The following MYCBP2 variants were observed in gnomAD, a reference collection of about 807,000 sequenced individuals.
MYCBP2 encodes the protein MYC binding protein 2.
Under a neutral mutation model 525.3 loss-of-function variants are expected in MYCBP2, and 120 were observed. That is an observed-to-expected ratio of 0.23 (90% confidence interval 0.20 to 0.27). The LOEUF is 0.27. Among genes scored for constraint, MYCBP2 ranks in the 10% least tolerant of loss-of-function variants. The pLI is 1.00. For missense variants in MYCBP2, 4,149 were observed against 5,657.1 expected (o/e 0.73, Z 8.55); for synonymous variants, 1,894 against 1,955.8 (o/e 0.97, Z 0.83).
intron 54 of MYCBP2, among the ~76,000 whole-genome samples, chr13:77,123,405 T>G (rs1211451100): frequency 6.6e-6 from 1 of 152,216 alleles, no homozygotes; most frequent in East Asian, 1.9e-4. Context: ...CATTTTATCT[T>G]GAAAGAAGCT....
At chr13:77,299,593 C>G (rs1478188029) in intron 1 of MYCBP2, among the ~76,000 whole-genome samples, 1 of 152,112 alleles carries the variant, frequency 6.6e-6, no homozygotes, top group Non-Finnish European at 1.5e-5. Context: ...ACCATTATAT[C>G]TCTATATTTG....
Position 77,112,431 on chromosome 13 carries a change from T to C in MYCBP2, c.8140+8942A>G, listed in dbSNP as rs181571986. ...ATATATTATATATTATATCTGTATATATACATATTAGAGACAAGGTCTCAC... is the reference window on the plus strand; with the variant it reads ...ATATATTATATATTATATCTGTATACATACATATTAGAGACAAGGTCTCAC... On this transcript the variant is annotated intron_variant, in intron 55 of 82. Transcript: ENST00000544440. 2.8e-3 allele frequency among the ~76,000 whole-genome samples: 410 copies of C among 148,816 alleles called. 1 individual carries two copies. Among genetic ancestry groups the C allele is most frequent in the Non-Finnish European group, 4.4e-3 (295 of 67,412 alleles).
chr13:77,269,933 G>A (rs2154344098), intron 7 of MYCBP2, 59 bp downstream of exon 7: 1 of 1,265,348 alleles, frequency 7.9e-7, no homozygotes, highest in African/African-American at 1.5e-5. Context: ...ATTAAACAAG[G>A]ACAAATCACA....
Position 77,263,788 on chromosome 13 carries a change from T to C in MYCBP2, c.1433A>G (p.Asp478Gly). 1 of 1,612,766 alleles carries C rather than the reference T, an allele frequency of 6.2e-7. No homozygotes were observed. Among genetic ancestry groups the C allele is most frequent in the Non-Finnish European group, 8.5e-7 (1 of 1,179,276 alleles). ...YINQIAASRD[D>G]GFVVRIFATS... Reference sequence around the variant, plus strand: ...GGCAAATATTCTGACAACAAAGCCATCCTAAGAAAAATAAAACATCCACAG... The same window carrying C: ...GGCAAATATTCTGACAACAAAGCCACCCTAAGAAAAATAAAACATCCACAG... Residue 478 changes from aspartate (D) to glycine (G), a missense_variant and splice_region_variant, in exon 10 of 83, where the codon GAT becomes GGT. Asp to Gly is a moderately conservative substitution (Grantham distance 94). This residue lies in a region of MYCBP2 where 262 missense variants were observed against 419.3 expected (regional missense o/e 0.62). Transcript: ENST00000544440.
intron 33 of MYCBP2, among the ~76,000 whole-genome samples, chr13:77,180,648 G>A (rs567329103): frequency 7.9e-5 from 12 of 152,244 alleles, no homozygotes; most frequent in African/African-American, 2.2e-4. Context: ...TTGGCTGGGC[G>A]TGGTGTCAGC....
intron 30 of MYCBP2, among the ~76,000 whole-genome samples, chr13:77,186,277 GGTAAA>G (rs2060706549): frequency 6.6e-6 from 1 of 151,850 alleles, no homozygotes; most frequent in Non-Finnish European, 1.5e-5. Context: ...TTACAAAAAA[GGTAAA>G]GTAGTTAAGC....
At chr13:77,316,372 T>A (rs529050527) in intron 1 of MYCBP2, among the ~76,000 whole-genome samples, 1 of 152,134 alleles carries the variant, frequency 6.6e-6, no homozygotes, top group African/African-American at 2.4e-5. Flanking sequence ...CCAAGAATGA[T>A]CCATCACCTA....
At chr13:77,308,372 G>C (rs2079728658) in intron 1 of MYCBP2, among the ~76,000 whole-genome samples, 1 of 152,068 alleles carries the variant, frequency 6.6e-6, no homozygotes, top group Non-Finnish European at 1.5e-5. Flanking sequence ...AGCCTGCTAT[G>C]TCAAGATAGG....
At chr13:77,250,983 G>T (rs1460666945) in intron 15 of MYCBP2, among the ~76,000 whole-genome samples, 168 bp downstream of exon 15, 3 of 152,120 alleles carry the variant, frequency 2.0e-5, no homozygotes, top group African/African-American at 4.8e-5. Context: ...TATTATAACA[G>T]AAAACAATTA....
intron 72 of MYCBP2, 64 bp downstream of exon 72, chr13:77,065,928 G>A: frequency 2.6e-6 from 3 of 1,163,028 alleles, no homozygotes; most frequent in Non-Finnish European, 3.8e-6. Context: ...ATTCAGCAGA[G>A]TAAGCTGTTT....
intron 77 of MYCBP2, among the ~76,000 whole-genome samples, chr13:77,059,106 C>T (rs1220556137): frequency 1.3e-5 from 2 of 151,380 alleles, no homozygotes; most frequent in Non-Finnish European, 2.9e-5. Context: ...TGAGCATATC[C>T]ACATTCTTAT....
At chr13:77,059,119 A>AG (rs1566318338) in intron 77 of MYCBP2, among the ~76,000 whole-genome samples, 1 of 151,958 alleles carries the variant, frequency 6.6e-6, no homozygotes, top group Non-Finnish European at 1.5e-5. Flanking sequence ...ATTCTTATTA[A>AG]TTGAGAAACC....
At position 77,081,413 on chromosome 13, in the gene MYCBP2, G is replaced by A. The variant is rs2275561; in HGVS notation, c.11418+14C>T. On this transcript the variant is annotated intron_variant, in intron 65 of 82. Coordinates refer to ENST00000544440, the MANE Select transcript of MYCBP2 (RefSeq NM_015057.5). This position sits in a 1 kb window ranked among gnomAD's most constrained non-coding sequence, Gnocchi z 4.6. Reference sequence around the variant, plus strand: ...AAAGAGCTAAAGAGCCGTAAATCACGTTTGCTTTCTTACCCCAAGATCTCG... The same window carrying A: ...AAAGAGCTAAAGAGCCGTAAATCACATTTGCTTTCTTACCCCAAGATCTCG... The A allele has an allele frequency of 0.036, 57,976 of 1,605,890 alleles. 2,368 individuals carry two copies. Among genetic ancestry groups the A allele is most frequent in the East Asian group, 0.15 (6,721 of 44,802 alleles).
At chr13:77,268,795 A>C (rs1279082972) in intron 7 of MYCBP2, among the ~76,000 whole-genome samples, 1 of 152,020 alleles carries the variant, frequency 6.6e-6, no homozygotes, top group African/African-American at 2.4e-5. Flanking sequence ...AAAAAAAAAA[A>C]TTTAATTTCA....
At position 77,077,575 on chromosome 13, in the gene MYCBP2, A is replaced by G. The variant is rs917677099; in HGVS notation, c.11485-188T>C. 3 of 623,850 alleles carry G rather than the reference A, an allele frequency of 4.8e-6. No individual in the cohort carries two copies. In the African/African-American group the frequency reaches 5.5e-5, roughly 12 times the overall value. The allele number at this position is 623,850 out of a possible 1,614,324, so 38.6% of individuals were successfully genotyped here. A position where few individuals can be genotyped will look rare whatever the true frequency, so the allele number is the denominator to read the frequency against. The stretch of plus-strand genomic sequence containing the variant: ...ATAAGTAATATTATTTATAGTAGCT[A>G]TTACACAGATGAAGAAACTAAGGTT... On this transcript the variant is annotated intron_variant, in intron 66 of 82. Transcript: ENST00000544440.
At chr13:77,172,243 G>A (rs2059216239) in intron 37 of MYCBP2, among the ~76,000 whole-genome samples, 1 of 151,956 alleles carries the variant, frequency 6.6e-6, no homozygotes, top group Non-Finnish European at 1.5e-5. Context: ...GAAGAGCTGA[G>A]GGAAAACTGT....
At chr13:77,198,405 G>A (rs74098717) in intron 26 of MYCBP2, among the ~76,000 whole-genome samples, 1 of 152,150 alleles carries the variant, frequency 6.6e-6, no homozygotes, top group Non-Finnish European at 1.5e-5. Flanking sequence ...TTGGAAACCA[G>A]CATTATGAAG....
intron 1 of MYCBP2, among the ~76,000 whole-genome samples, chr13:77,299,125 C>T (rs1176471771): frequency 6.6e-6 from 1 of 152,090 alleles, no homozygotes; most frequent in Admixed American, 6.6e-5. Flanking sequence ...CTTATAAAAG[C>T]ATCAAAATTT....
intron 13 of MYCBP2, among the ~76,000 whole-genome samples, chr13:77,258,736 TTTA>T (rs540970849): frequency 4.6e-5 from 7 of 152,096 alleles, no homozygotes; most frequent in African/African-American, 1.4e-4. Context: ...ACAGTAGTTA[TTTA>T]TTATTATTAT....
Sources: allele counts gnomAD v4.1 joint callset (sites outside exome capture counted in the v4.1 genomes callset), GRCh38; gene constraint gnomAD v4.1.1; regional missense constraint gnomAD v4.1.1; non-coding constraint Gnocchi (gnomAD v3.1); transcripts MANE v1.5; gene names NCBI Gene and HGNC (gene_info 2026-07-23, HGNC 2026-07-21).